Variants in AGMO observed in about 807,000 individuals in gnomAD.
AGMO encodes the protein alkylglycerol monooxygenase, also known as glyceryl-ether monooxygenase.
AGMO carries 75 observed loss-of-function variants against 60.2 expected under a neutral mutation model. The observed-to-expected ratio is 1.25, with a 90% CI of 1.03 to 1.51. The LOEUF is 1.51. Ranked by LOEUF, AGMO falls within the 40% of genes most tolerant of loss-of-function variation. The pLI, the probability that AGMO is intolerant of heterozygous loss-of-function variation, is 0.00. For missense variants in AGMO, 763 were observed against 525.5 expected (o/e 1.45, Z -4.42); for synonymous variants, 261 against 177.1 (o/e 1.47, Z -3.76).
rs573334215 is a variant in AGMO, at chr7:15,483,887, G to C, written c.410-52779C>G. Among the ~76,000 whole-genome samples, 4 of 152,174 alleles carry C rather than the reference G, an allele frequency of 2.6e-5. No homozygotes were observed. The South Asian group carries it at 6.2e-4, about 24-fold the overall frequency. On this transcript the variant is annotated intron_variant, in intron 3 of 12. Coordinates refer to ENST00000342526, the MANE Select transcript of AGMO (RefSeq NM_001004320.2). ...ATTCCAACAAAAAAGAAAAATAAAA[G>C]TTAGAGAACCTAACCTACCTAATAT...
the AGMO span, among the ~76,000 whole-genome samples, chr7:15,136,503 T>C: frequency 1.3e-5 from 2 of 152,148 alleles, no homozygotes; most frequent in Non-Finnish European, 2.9e-5. Context: ...TATTTTTTTT[T>C]TAAAAGGAGC....
intron 12 of AGMO, among the ~76,000 whole-genome samples, chr7:15,274,806 T>C (rs890256065): frequency 6.6e-6 from 1 of 151,992 alleles, no homozygotes; most frequent in Non-Finnish European, 1.5e-5. Context: ...CCAGGAATTT[T>C]TTCCATTTCC....
intron 3 of AGMO, among the ~76,000 whole-genome samples, chr7:15,459,912 A>T (rs1452083898): frequency 6.6e-6 from 1 of 151,944 alleles, no homozygotes; most frequent in Non-Finnish European, 1.5e-5. Flanking sequence ...ATTTCATTTG[A>T]CTGTATTGAG....
At chr7:15,521,969 T>C (rs1784005439) in intron 3 of AGMO, among the ~76,000 whole-genome samples, 1 of 152,112 alleles carries the variant, frequency 6.6e-6, no homozygotes, top group African/African-American at 2.4e-5. Context: ...AGCCCCAAAA[T>C]GCCTTAAGCT....
At chr7:15,391,510 A>C (rs1298546615) in intron 6 of AGMO, among the ~76,000 whole-genome samples, 1 of 152,158 alleles carries the variant, frequency 6.6e-6, no homozygotes, top group Non-Finnish European at 1.5e-5. Context: ...TTTTTATAAA[A>C]CTTAAGTAGA....
At chr7:15,211,499 G>A (rs1424344667) in intron 12 of AGMO, among the ~76,000 whole-genome samples, 1 of 151,726 alleles carries the variant, frequency 6.6e-6, no homozygotes, top group African/African-American at 2.4e-5. Context: ...ATTATGGATT[G>A]ATCATTTGTT....
At chr7:15,385,824 G>A (rs1250993880) in intron 9 of AGMO, among the ~76,000 whole-genome samples, 1 of 152,120 alleles carries the variant, frequency 6.6e-6, no homozygotes, top group Non-Finnish European at 1.5e-5. Context: ...AAAATGCATG[G>A]GATGTATCTT....
intron 12 of AGMO, among the ~76,000 whole-genome samples, chr7:15,317,101 CTTCT>C (rs1057458536): frequency 6.6e-6 from 1 of 152,130 alleles, no homozygotes; most frequent in Non-Finnish European, 1.5e-5. Context: ...TCAAGTGAAT[CTTCT>C]TTGTGATTCC....
At chr7:15,293,463 G>A (rs1359045607) in intron 12 of AGMO, among the ~76,000 whole-genome samples, 3 of 152,098 alleles carry the variant, frequency 2.0e-5, no homozygotes, top group Non-Finnish European at 2.9e-5. Flanking sequence ...GCCTCCAGAT[G>A]ATCTCTGCAT....
chr7:15,160,197 G>C, the AGMO span, among the ~76,000 whole-genome samples: 2 of 152,096 alleles, frequency 1.3e-5, no homozygotes, highest in African/African-American at 4.8e-5. Flanking sequence ...GCGAGAAGTA[G>C]GAATTTTAAC....
chr7:15,390,731 A>G lies in AGMO; in HGVS notation c.762T>C (p.Asn254=). The G allele has an allele frequency of 1.9e-6, 3 of 1,611,100 alleles. No individual in the cohort carries two copies. Among genetic ancestry groups the G allele is most frequent in the Non-Finnish European group, 1.7e-6 (2 of 1,178,130 alleles). ...DKIFGTFEAE[N]EKVVYGLTHP... ...GTGTTAAGCCATATACAACTTTTTC[A>G]TTTTCTGCTTCAAATGTCCCTGGAA... Residue 254 remains asparagine (N), a synonymous_variant, in exon 8 of 13, where the codon AAT becomes AAC. Coordinates refer to ENST00000342526, the MANE Select transcript of AGMO (RefSeq NM_001004320.2).
the AGMO span, among the ~76,000 whole-genome samples, chr7:15,152,466 C>T: frequency 1.3e-5 from 2 of 152,054 alleles, no homozygotes; most frequent in Non-Finnish European, 2.9e-5. Flanking sequence ...GTACCCAGTG[C>T]GTAGTCTAGT....
At chr7:15,296,671 T>A (rs1784417428) in intron 12 of AGMO, among the ~76,000 whole-genome samples, 1 of 152,176 alleles carries the variant, frequency 6.6e-6, no homozygotes. Context: ...AGGACATAAT[T>A]AAGAAGTAAC....
chr7:15,560,110 T>C lies in AGMO; in HGVS notation c.257+31A>G, dbSNP rs1453126982. ...CTCATACTTAGGCAATTTCAGTTTT[T>C]ATGCTCAGCGTTGTTGACCATCTAA... On this transcript the variant is annotated intron_variant, in intron 2 of 12. Transcript: ENST00000342526. 5.2e-6 allele frequency: 8 copies of C among 1,543,898 alleles called. 1 individual carries two copies. The African/African-American group carries it at 9.6e-5, about 19-fold the overall frequency.
At chr7:15,333,998 T>A (rs1294214348) in intron 12 of AGMO, among the ~76,000 whole-genome samples, 1 of 152,114 alleles carries the variant, frequency 6.6e-6, no homozygotes, top group African/African-American at 2.4e-5. Flanking sequence ...AAGGAAGCAA[T>A]TCAACAATGG....
chr7:15,515,508 G>A lies in AGMO; in HGVS notation c.409+29264C>T, dbSNP rs537294524. 1.6e-4 allele frequency among the ~76,000 whole-genome samples: 24 copies of A among 152,274 alleles called. No individual in the cohort carries two copies. In the South Asian group the frequency reaches 3.1e-3, roughly 20 times the overall value. On this transcript the variant is annotated intron_variant, in intron 3 of 12. Transcript: ENST00000342526. ...AATGTGCTTTGTTGTCATTCCCGTGGATGTACGTTTTGGCTTTTAAAAAGC... is the reference window on the plus strand; with the variant it reads ...AATGTGCTTTGTTGTCATTCCCGTGAATGTACGTTTTGGCTTTTAAAAAGC...
chr7:15,299,400 C>G (rs75113575), intron 12 of AGMO, among the ~76,000 whole-genome samples: 1 of 152,054 alleles, frequency 6.6e-6, no homozygotes, highest in Non-Finnish European at 1.5e-5. Flanking sequence ...ACTCTCTGAA[C>G]ACCTTGAGAG....
chr7:15,196,333 G>GCCA (rs966560072), downstream of AGMO, among the ~76,000 whole-genome samples: 54 of 152,192 alleles, frequency 3.5e-4, no homozygotes, highest in African/African-American at 1.2e-3. Context: ...ACAGGTGTGA[G>GCCA]CCACCACGCC....
chr7:15,330,153 T>G (rs949801517), intron 12 of AGMO, among the ~76,000 whole-genome samples: 1 of 152,206 alleles, frequency 6.6e-6, no homozygotes, highest in Non-Finnish European at 1.5e-5. Flanking sequence ...ATTATTGATA[T>G]TGCAGTCACC....
Sources: allele counts gnomAD v4.1 joint callset (sites outside exome capture counted in the v4.1 genomes callset), GRCh38; gene constraint gnomAD v4.1.1; transcripts MANE v1.5; gene names NCBI Gene and HGNC (gene_info 2026-07-23, HGNC 2026-07-21).